Variants in BMAL1 observed in about 807,000 individuals in gnomAD.
BMAL1 encodes the protein basic helix-loop-helix ARNT-like protein 1.
At chr11:13,353,863 TTG>T in the BMAL1 span, among the ~76,000 whole-genome samples, 1 of 152,102 alleles carries the variant, frequency 6.6e-6, no homozygotes, top group East Asian at 1.9e-4. Flanking sequence ...AAAATTAGCT[TTG>T]TGTGTGGAGA....
the BMAL1 span, chr11:13,372,318 C>T: frequency 6.2e-7 from 1 of 1,614,122 alleles, no homozygotes; most frequent in East Asian, 2.2e-5. Flanking sequence ...TCATGTAGTT[C>T]CACAACCAGT....
At chr11:13,350,098 C>T in the BMAL1 span, 2 of 152,196 alleles carry the variant, frequency 1.3e-5, no homozygotes, top group African/African-American at 4.8e-5. Flanking sequence ...CCTCCCTGCC[C>T]CCTGTGAACT....
the BMAL1 span, among the ~76,000 whole-genome samples, chr11:13,326,912 C>G: frequency 1.3e-5 from 2 of 151,872 alleles, no homozygotes; most frequent in African/African-American, 4.8e-5. Flanking sequence ...CTCTGCTTCC[C>G]GGGTTCACGC....
At chr11:13,300,522 C>T in the BMAL1 span, among the ~76,000 whole-genome samples, 395 of 152,230 alleles carry the variant, frequency 2.6e-3, no homozygotes, top group Non-Finnish European at 4.0e-3. Context: ...AAAAGTAACT[C>T]GTGACTTGTT....
the BMAL1 span, among the ~76,000 whole-genome samples, chr11:13,331,191 C>G: frequency 2.1e-4 from 32 of 152,184 alleles, no homozygotes; most frequent in Non-Finnish European, 4.1e-4. Flanking sequence ...GCCAAACAAT[C>G]AGCCCATGCA....
the BMAL1 span, among the ~76,000 whole-genome samples, chr11:13,278,920 G>C: frequency 6.6e-6 from 1 of 152,172 alleles, no homozygotes. Context: ...CTTGTGGGGC[G>C]CATGTTAGCC....
chr11:13,297,148 G>A, the BMAL1 span, among the ~76,000 whole-genome samples: 1,961 of 152,328 alleles, frequency 0.013, 37 homozygotes, highest in African/African-American at 0.039. Context: ...CCCTTAGTTC[G>A]TTTGAATGGC....
At chr11:13,321,560 G>A in the BMAL1 span, among the ~76,000 whole-genome samples, 1 of 152,150 alleles carries the variant, frequency 6.6e-6, no homozygotes, top group Admixed American at 6.5e-5. Flanking sequence ...GACAGCAGAT[G>A]TTTGTCTGAA....
the BMAL1 span, among the ~76,000 whole-genome samples, chr11:13,373,343 C>T: frequency 1.1e-3 from 160 of 152,276 alleles, no homozygotes; most frequent in African/African-American, 3.6e-3. Context: ...TTTCTGGCTA[C>T]TAGAGACAGC....
chr11:13,356,270 C>T, the BMAL1 span: 1 of 457,806 alleles, frequency 2.2e-6, no homozygotes, highest in Admixed American at 2.3e-5. Context: ...TTTAATTCCA[C>T]CCTCCTCACT....
the BMAL1 span, chr11:13,386,663 T>G: frequency 6.2e-7 from 1 of 1,614,184 alleles, no homozygotes; most frequent in Non-Finnish European, 8.5e-7. Flanking sequence ...CCAGTAATGA[T>G]GAGGCAGCAA....
At chr11:13,345,116 C>G in the BMAL1 span, among the ~76,000 whole-genome samples, 2 of 152,180 alleles carry the variant, frequency 1.3e-5, no homozygotes, top group African/African-American at 4.8e-5. Context: ...AGGCTGCTAC[C>G]CAAGTGACAT....
At chr11:13,342,787 A>AAG in the BMAL1 span, among the ~76,000 whole-genome samples, 11 of 152,306 alleles carry the variant, frequency 7.2e-5, no homozygotes, top group Non-Finnish European at 1.2e-4. Context: ...GCTGTGCTGT[A>AAG]CAGTGGAAGG....
the BMAL1 span, among the ~76,000 whole-genome samples, chr11:13,354,030 T>C: frequency 7.6e-3 from 1,160 of 152,278 alleles, 18 homozygotes; most frequent in African/African-American, 0.027. Context: ...TCAGCTTCTC[T>C]AGGCTTTTAT....
the BMAL1 span, among the ~76,000 whole-genome samples, chr11:13,311,296 G>T: frequency 3.3e-5 from 5 of 152,224 alleles, no homozygotes; most frequent in African/African-American, 9.6e-5. Context: ...GATGAGCAGT[G>T]GGCTGAGCTG....
At chr11:13,318,075 C>T in the BMAL1 span, among the ~76,000 whole-genome samples, 10 of 152,240 alleles carry the variant, frequency 6.6e-5, no homozygotes, top group Admixed American at 6.5e-4. Context: ...GTGGTGGTCC[C>T]TCCCCTGGGA....
chr11:13,284,218 A>G, the BMAL1 span, among the ~76,000 whole-genome samples: 28 of 16,958 alleles, frequency 1.7e-3, 3 homozygotes, highest in African/African-American at 2.8e-3. Context: ...ATGTGTATAT[A>G]TATATATATG....
the BMAL1 span, among the ~76,000 whole-genome samples, chr11:13,314,641 A>G: frequency 6.6e-6 from 1 of 152,222 alleles, no homozygotes; most frequent in East Asian, 1.9e-4. Flanking sequence ...AGGAATTCTC[A>G]GGAATGAGGT....
chr11:13,315,089 T>C, the BMAL1 span, among the ~76,000 whole-genome samples: 1 of 152,162 alleles, frequency 6.6e-6, no homozygotes, highest in African/African-American at 2.4e-5. Flanking sequence ...CTCACAGTAA[T>C]CTAGGAAAGC....
Sources: gnomAD v4.1 joint callset for allele counts (sites outside exome capture counted in the v4.1 genomes callset) on GRCh38, gnomAD v4.1.1 for gene constraint, MANE v1.5 for transcripts, NCBI Gene and HGNC (gene_info 2026-07-23, HGNC 2026-07-21) for gene names.